Variants in PCED1B observed in about 807,000 individuals in gnomAD.
The protein encoded by PCED1B is PC-esterase domain-containing protein 1B.
For missense variants in PCED1B, 573 were observed against 573.9 expected, an observed-to-expected ratio of 1.00 and a Z score of 0.02; for synonymous variants, 251 against 246.1, an observed-to-expected ratio of 1.02 and a Z score of -0.19.
At chr12:47,105,952 C>T (rs1938928854) in intron 2 of PCED1B, among the ~76,000 whole-genome samples, 1 of 152,150 alleles carries the variant, frequency 6.6e-6, no homozygotes, top group Non-Finnish European at 1.5e-5. Flanking sequence ...AATAATGATG[C>T]CGTTAGCATT....
In PCED1B at chr12:47,235,594, T is replaced by C. The variant is rs1173156591; in HGVS notation, c.531T>C (p.Leu177=). 2.7e-5 allele frequency: 43 copies of C among 1,608,528 alleles called. No individual in the cohort carries two copies. The highest frequency in any genetic ancestry group is 3.6e-5 in the Non-Finnish European group (42 of 1,176,820). Residue 177 remains leucine (L), a synonymous_variant, in exon 4 of 4, where the codon CTT becomes CTC. Coordinates refer to ENST00000546455, the MANE Select transcript of PCED1B (RefSeq NM_138371.3). ...GCGAGGAAGTCACCGGGGGTTTTCT[T>C]CCGCCCAAGCTCCGGCGGCAGAAGG... ...PVGEEVTGGF[L]PPKLRRQKAT...
chr12:47,168,652 T>C (rs1941621520), intron 2 of PCED1B, among the ~76,000 whole-genome samples: 1 of 152,204 alleles, frequency 6.6e-6, no homozygotes, highest in Non-Finnish European at 1.5e-5. Context: ...GCTACAAATA[T>C]TCCTCTCATA....
At chr12:47,195,866 TTATAA>T (rs1202119638) in intron 2 of PCED1B, among the ~76,000 whole-genome samples, 2 of 152,358 alleles carry the variant, frequency 1.3e-5, no homozygotes, top group African/African-American at 2.4e-5. Context: ...GAACTTAATG[TTATAA>T]TATACGGGCT....
intron 1 of PCED1B, among the ~76,000 whole-genome samples, chr12:47,081,880 A>G (rs1191941418): frequency 6.6e-6 from 1 of 152,216 alleles, no homozygotes; most frequent in African/African-American, 2.4e-5. Context: ...CAGGAAGGTT[A>G]TATTATTATA....
chr12:47,140,932 A>G (rs1940566880), intron 2 of PCED1B, among the ~76,000 whole-genome samples: 1 of 152,220 alleles, frequency 6.6e-6, no homozygotes, highest in Non-Finnish European at 1.5e-5. Context: ...AGTGGCCTTC[A>G]ACTAGGGATC....
At chr12:47,214,667 G>GA (rs1173666788) in intron 2 of PCED1B, among the ~76,000 whole-genome samples, 25 of 152,030 alleles carry the variant, frequency 1.6e-4, no homozygotes, top group Admixed American at 2.6e-4. Context: ...AAAAGAAAAG[G>GA]AAAAAACATT....
At chr12:47,173,306 T>G (rs554455870) in intron 2 of PCED1B, among the ~76,000 whole-genome samples, 1 of 152,324 alleles carries the variant, frequency 6.6e-6, no homozygotes, top group Non-Finnish European at 1.5e-5. Flanking sequence ...CAGACTGGAG[T>G]GCAGTGGCAC....
chr12:47,235,243 G>A lies in PCED1B; in HGVS notation c.180G>A (p.Glu60=), dbSNP rs1274756611. 1.2e-6 allele frequency: 2 copies of A among 1,613,028 alleles called. No individual in the cohort carries two copies. Among genetic ancestry groups the A allele is most frequent in the Non-Finnish European group, 1.7e-6 (2 of 1,179,434 alleles). ...ARGELNFEQD[E]LVDGGQRGHM... ...GGGAGCTGAACTTCGAACAAGATGA[G>A]CTGGTGGACGGAGGCCAGCGGGGCC... is the stretch of plus-strand genomic sequence containing the variant. Residue 60 remains glutamate, a synonymous_variant, in exon 4 of 4, where the codon GAG becomes GAA. Coordinates refer to ENST00000546455, the MANE Select transcript of PCED1B (RefSeq NM_138371.3).
At chr12:47,110,452 A>G (rs530455135) in intron 2 of PCED1B, among the ~76,000 whole-genome samples, 4 of 152,352 alleles carry the variant, frequency 2.6e-5, no homozygotes, top group African/African-American at 9.6e-5. Flanking sequence ...GTTTGGTAAC[A>G]GTTTGTGGTT....
chr12:47,096,283 G>A (rs1256313147), intron 1 of PCED1B, among the ~76,000 whole-genome samples: 1 of 151,906 alleles, frequency 6.6e-6, no homozygotes, highest in African/African-American at 2.4e-5. Flanking sequence ...TTACACATTA[G>A]CTAAACATGC....
chr12:47,142,879 G>A (rs925548651), intron 2 of PCED1B, among the ~76,000 whole-genome samples: 1 of 151,494 alleles, frequency 6.6e-6, no homozygotes, highest in Non-Finnish European at 1.5e-5. Flanking sequence ...GAAGAAGAGA[G>A]AAAGAGGCAA....
At chr12:47,210,571 G>C (rs1218320157) in intron 2 of PCED1B, 1 of 152,180 alleles carries the variant, frequency 6.6e-6, no homozygotes, top group East Asian at 1.9e-4. Flanking sequence ...TTCAAGACCA[G>C]CTTAGCCAAC....
At chr12:47,179,275 C>A (rs1942023309) in intron 2 of PCED1B, among the ~76,000 whole-genome samples, 1 of 152,166 alleles carries the variant, frequency 6.6e-6, no homozygotes, top group African/African-American at 2.4e-5. Context: ...GGAGCTTAAA[C>A]TACGGAGGTC....
At chr12:47,128,035 GCATGGTTGCATCCTT>G (rs1939966994) in intron 2 of PCED1B, among the ~76,000 whole-genome samples, 1 of 152,196 alleles carries the variant, frequency 6.6e-6, no homozygotes, top group Admixed American at 6.5e-5. Flanking sequence ...AATCATTGAT[GCATGGTTGCATCCTT>G]CATTAATAAA....
chr12:47,222,206 G>C (rs113111572), intron 3 of PCED1B, among the ~76,000 whole-genome samples: 2 of 150,544 alleles, frequency 1.3e-5, no homozygotes, highest in Admixed American at 1.3e-4. Flanking sequence ...GATCACCTGA[G>C]GTCAGGAGTT....
At chr12:47,226,929 A>G (rs1299453979) in intron 3 of PCED1B, among the ~76,000 whole-genome samples, 1 of 152,014 alleles carries the variant, frequency 6.6e-6, no homozygotes, top group Admixed American at 6.6e-5. Context: ...TTTAAATTAG[A>G]GAAGGTTTAT....
chr12:47,212,058 G>C (rs942643092), intron 2 of PCED1B, among the ~76,000 whole-genome samples: 1 of 135,188 alleles, frequency 7.4e-6, no homozygotes, highest in African/African-American at 2.9e-5. Flanking sequence ...CTGGGAGACA[G>C]AGCGAGACTC....
At chr12:47,214,352 G>C (rs2111903) in intron 2 of PCED1B, among the ~76,000 whole-genome samples, 29,907 of 152,134 alleles carry the variant, frequency 0.2, 3,639 homozygotes, top group Non-Finnish European at 0.28. Context: ...ATTAAAAAAA[G>C]CTAAGTCTTC....
At chr12:47,081,639 C>G (rs1342177516) in intron 1 of PCED1B, among the ~76,000 whole-genome samples, 1 of 152,188 alleles carries the variant, frequency 6.6e-6, no homozygotes, top group Non-Finnish European at 1.5e-5. Context: ...CTGGGATTCT[C>G]AAAAGCTTGG....
Sources: allele counts gnomAD v4.1 joint callset (sites outside exome capture counted in the v4.1 genomes callset), GRCh38; gene constraint gnomAD v4.1.1; transcripts MANE v1.5; gene names NCBI Gene and HGNC (gene_info 2026-07-23, HGNC 2026-07-21).